The following GABRA2 variants were observed in gnomAD, a reference collection of about 807,000 sequenced individuals.
GABRA2 encodes gamma-aminobutyric acid type A receptor subunit alpha2.
GABRA2 carries 16 observed loss-of-function variants against 48.7 expected under a neutral mutation model. That is an observed-to-expected ratio of 0.33 (90% CI 0.22 to 0.50). The LOEUF is 0.50. Ranked by LOEUF, GABRA2 falls within the 20% of genes least tolerant of loss-of-function variation. GABRA2 has a pLI of 0.98. For synonymous variants in GABRA2, 185 were observed against 184.5 expected (o/e 1.00, Z -0.02); for missense variants, 275 against 535.6 (o/e 0.51, Z 4.80).
At chr4:46,319,882 GTC>G (rs1729162692) in intron 4 of GABRA2, among the ~76,000 whole-genome samples, 1 of 151,616 alleles carries the variant, frequency 6.6e-6, no homozygotes. Context: ...TATAATATGT[GTC>G]ATTTAAAATT....
chr4:46,334,038 T>C (rs986006975), intron 3 of GABRA2, among the ~76,000 whole-genome samples: 7 of 152,282 alleles, frequency 4.6e-5, no homozygotes, highest in Middle Eastern at 6.8e-3. Context: ...TTGTTGTATA[T>C]ACTATTTTAT....
intron 3 of GABRA2, among the ~76,000 whole-genome samples, chr4:46,371,889 T>G (rs954517236): frequency 2.0e-5 from 3 of 152,176 alleles, no homozygotes; most frequent in African/African-American, 7.2e-5. Context: ...CTACATTATA[T>G]TCTTTATGAA....
At chr4:46,263,870 T>C (rs1189460871) in intron 8 of GABRA2, among the ~76,000 whole-genome samples, 1 of 151,982 alleles carries the variant, frequency 6.6e-6, no homozygotes, top group Non-Finnish European at 1.5e-5. Flanking sequence ...TGATACTAAG[T>C]CTTTCAATCT....
intron 8 of GABRA2, among the ~76,000 whole-genome samples, chr4:46,279,825 G>T (rs1004547326): frequency 1.3e-5 from 2 of 151,974 alleles, no homozygotes; most frequent in African/African-American, 4.8e-5. Context: ...TAAGAATTTA[G>T]ATTTCTTTGA....
At chr4:46,347,093 T>C (rs756518102) in intron 3 of GABRA2, among the ~76,000 whole-genome samples, 5 of 151,846 alleles carry the variant, frequency 3.3e-5, no homozygotes, top group Non-Finnish European at 4.4e-5. Context: ...CAATTGAAAA[T>C]GACACATATA....
chr4:46,384,164 G>T (rs1717136325), intron 3 of GABRA2, among the ~76,000 whole-genome samples: 1 of 152,120 alleles, frequency 6.6e-6, no homozygotes, highest in Non-Finnish European at 1.5e-5. Flanking sequence ...TGCCTCCAAG[G>T]AATATGTTCC....
intron 4 of GABRA2, among the ~76,000 whole-genome samples, chr4:46,328,602 T>C (rs111428004): frequency 6.6e-6 from 1 of 150,986 alleles, no homozygotes; most frequent in African/African-American, 2.5e-5. Context: ...AATATGGCTA[T>C]GTTTTCCCTT....
intron 4 of GABRA2, among the ~76,000 whole-genome samples, chr4:46,313,885 A>G (rs1001528228): frequency 6.6e-6 from 1 of 152,150 alleles, no homozygotes; most frequent in African/African-American, 2.4e-5. Flanking sequence ...AACAGATAAA[A>G]AGGTCATATA....
intron 3 of GABRA2, among the ~76,000 whole-genome samples, chr4:46,374,151 T>TA (rs1048508016): frequency 2.0e-5 from 3 of 152,148 alleles, no homozygotes; most frequent in African/African-American, 7.2e-5. Context: ...TAATGAACCT[T>TA]AAAAAATGCA....
At chr4:46,363,987 T>C (rs1026330222) in intron 3 of GABRA2, 1 of 152,224 alleles carries the variant, frequency 6.6e-6, no homozygotes, top group African/African-American at 2.4e-5. Flanking sequence ...AATTGCTTTT[T>C]CTCTTGCGGA....
intron 8 of GABRA2, among the ~76,000 whole-genome samples, chr4:46,264,115 C>T (rs1169719609): frequency 6.6e-6 from 1 of 151,398 alleles, no homozygotes; most frequent in East Asian, 2.0e-4. Context: ...TCTTAACATT[C>T]TGTTGAGACT....
At chr4:46,294,596 A>T (rs955131793) in intron 8 of GABRA2, among the ~76,000 whole-genome samples, 3 of 152,212 alleles carry the variant, frequency 2.0e-5, no homozygotes, top group Admixed American at 2.0e-4. Context: ...CACTTGGGCC[A>T]TATGACCTAG....
chr4:46,377,845 C>G (rs1206290374), intron 3 of GABRA2, among the ~76,000 whole-genome samples: 1 of 147,222 alleles, frequency 6.8e-6, no homozygotes, highest in Non-Finnish European at 1.5e-5. Flanking sequence ...GCTGCCCCGT[C>G]CGGGAGGGAG....
At chr4:46,352,796 C>T (rs917802740) in intron 3 of GABRA2, among the ~76,000 whole-genome samples, 1 of 152,000 alleles carries the variant, frequency 6.6e-6, no homozygotes, top group Admixed American at 6.6e-5. Context: ...TGTGAGCATC[C>T]ATATTGACTT....
Position 46,243,613 on chromosome 4 carries a change from A to T in GABRA2, c.*6695T>A, listed in dbSNP as rs1200670192. 4 of 151,596 alleles carry T rather than the reference A, an allele frequency of 2.6e-5. No homozygotes were observed. Among genetic ancestry groups the T allele is most frequent in the African/African-American group, 9.7e-5 (4 of 41,424 alleles). 9.4% of individuals were successfully genotyped at this position (151,596 alleles called of 1,614,324 possible). ...AGCATTAATTTGCATGTGATTAGTT[A>T]GGAATTTTTTAAACAGCAAGCATGA... On this transcript the variant is annotated 3_prime_UTR_variant, in exon 10 of 10. Transcript: ENST00000381620.
intron 6 of GABRA2, 85 bp downstream of exon 6, chr4:46,310,088 A>AG: frequency 1.1e-6 from 1 of 903,024 alleles, no homozygotes. Flanking sequence ...TCATAATTTG[A>AG]GAAAAAAACT....
chr4:46,343,971 G>T (rs940673370), intron 3 of GABRA2, among the ~76,000 whole-genome samples: 2 of 151,866 alleles, frequency 1.3e-5, no homozygotes, highest in African/African-American at 4.8e-5. Context: ...CCACCTCACT[G>T]GGTTCCTGTG....
intron 3 of GABRA2, among the ~76,000 whole-genome samples, chr4:46,334,396 C>T (rs1245964544): frequency 6.6e-6 from 1 of 152,102 alleles, no homozygotes; most frequent in Non-Finnish European, 1.5e-5. Context: ...CCAAATTAAT[C>T]ACACTATTAC....
intron 6 of GABRA2, among the ~76,000 whole-genome samples, chr4:46,306,402 T>C (rs955879989): frequency 6.6e-6 from 1 of 152,158 alleles, no homozygotes; most frequent in Non-Finnish European, 1.5e-5. Flanking sequence ...TCCTGACTTA[T>C]TGGCCAAGGA....
Sources: gnomAD v4.1 joint callset for allele counts (sites outside exome capture counted in the v4.1 genomes callset) on GRCh38, gnomAD v4.1.1 for gene constraint, MANE v1.5 for transcripts, NCBI Gene and HGNC (gene_info 2026-07-23, HGNC 2026-07-21) for gene names.